SLC5A6: variants seen among roughly 807,000 people sequenced by gnomAD.
SLC5A6 encodes sodium-dependent multivitamin transporter.
Under a neutral mutation model 67.9 loss-of-function variants are expected in SLC5A6, and 31 were observed. The ratio of observed to expected loss-of-function variants is 0.46; its 90% CI spans 0.34 to 0.62. SLC5A6 has a LOEUF of 0.62. Among genes scored for constraint, SLC5A6 ranks in the 20% least tolerant of loss-of-function variants. The pLI is 0.01. For missense variants in SLC5A6, 673 were observed against 812.8 expected, an observed-to-expected ratio of 0.83 and a Z score of 2.09; for synonymous variants, 343 against 331.0, an observed-to-expected ratio of 1.04 and a Z score of -0.39.
upstream of SLC5A6, chr2:27,212,780 C>A: frequency 1.4e-6 from 1 of 715,006 alleles, no homozygotes; most frequent in Non-Finnish European, 2.0e-6. Context: ...CGCCATATAT[C>A]GTGCGGTGGT....
chr2:27,206,638 A>T, intron 4 of SLC5A6, 104 bp from the exon 5 acceptor site: 1 of 1,107,870 alleles, frequency 9.0e-7, no homozygotes, highest in South Asian at 1.3e-5. Flanking sequence ...CCCCTCACCT[A>T]GGCTCACTTC....
chr2:27,201,584 G>T, intron 14 of SLC5A6, 82 bp downstream of exon 14: 1 of 1,444,646 alleles, frequency 6.9e-7, no homozygotes, highest in South Asian at 1.2e-5. Context: ...GGCCTCTGGT[G>T]GCCCATCCCT....
At chr2:27,211,949 C>T (rs1286210641) in intron 1 of SLC5A6, 71 bp downstream of exon 1, 4 of 479,556 alleles carry the variant, frequency 8.3e-6, no homozygotes, top group African/African-American at 2.1e-5. Flanking sequence ...AGAGCCCTGG[C>T]CGGGAGCCCG....
intron 12 of SLC5A6, 95 bp downstream of exon 12, chr2:27,202,718 G>T: frequency 9.2e-7 from 1 of 1,086,526 alleles, no homozygotes; most frequent in South Asian, 1.3e-5. Flanking sequence ...CTGCCCCCCG[G>T]TCATTCCCCT....
At chr2:27,212,346 G>C (rs944561840), upstream of SLC5A6, 2 of 1,550,022 alleles carry the variant, frequency 1.3e-6, no homozygotes, top group Non-Finnish European at 1.7e-6. Flanking sequence ...CGCGCGAGCA[G>C]CGGAGCACCA....
chr2:27,207,503 CACG>C lies in SLC5A6; in HGVS notation c.145_147del (p.Arg49del). ...TCACCAACAGTATGCCGGCCCCAGC[CACG>C]ACAAGCATGGTAGAGCCCAATGGCA... On this transcript the variant is annotated inframe_deletion, in exon 3 of 17. Transcript: ENST00000310574. This position sits in a 1 kb window ranked among gnomAD's most constrained non-coding sequence, Gnocchi z 5.5. 1.9e-6 allele frequency: 3 copies of C among 1,614,204 alleles called. No homozygotes were observed.
intron 12 of SLC5A6, 75 bp from the exon 13 acceptor site, chr2:27,202,149 C>A (rs1267602382): frequency 2.9e-6 from 3 of 1,041,918 alleles, no homozygotes; most frequent in African/African-American, 1.6e-5. Flanking sequence ...TAAAGCATAG[C>A]CACCAGCCAT....
rs778768265 is a variant in SLC5A6 at position 27,204,944 on chromosome 2, C to G, written c.735-13G>C. On this transcript the variant is annotated splice_polypyrimidine_tract_variant and intron_variant, in intron 7 of 16. Coordinates refer to ENST00000310574, the MANE Select transcript of SLC5A6 (RefSeq NM_021095.4). ...GTCTGGATCCAGCCTGTAACAGACACCACCCAGTCATTGTGCAAAGCCTGA... is the reference window on the plus strand; with the variant it reads ...GTCTGGATCCAGCCTGTAACAGACAGCACCCAGTCATTGTGCAAAGCCTGA... 1.9e-6 allele frequency: 3 copies of G among 1,611,474 alleles called. No homozygotes were observed. Among genetic ancestry groups the G allele is most frequent in the African/African-American group, 2.7e-5 (2 of 75,050 alleles).
chr2:27,204,519 A>G lies in SLC5A6; in HGVS notation c.947T>C (p.Phe316Ser). 1 of 1,614,024 alleles carries G rather than the reference A, an allele frequency of 6.2e-7. No individual in the cohort carries two copies. The stretch of plus-strand genomic sequence containing the variant: ...CATGGGATACTCCTGGTAATACGCG[A>G]ACATGACCAGGCCAATGAGGCAGCC... ...CVGCLIGLVM[F>S]AYYQEYPMSI... The change falls in exon 9 of 17, where the codon TTC (phenylalanine) becomes TCC (serine). Residue 316 changes from phenylalanine to serine, a missense_variant. Coordinates refer to ENST00000310574, the MANE Select transcript of SLC5A6 (RefSeq NM_021095.4).
chr2:27,210,107 A>G (rs1322119440), intron 2 of SLC5A6, among the ~76,000 whole-genome samples: 2 of 152,212 alleles, frequency 1.3e-5, no homozygotes, highest in African/African-American at 4.8e-5. Flanking sequence ...GTGGCCAGAG[A>G]CAGGAAGGAA....
chr2:27,201,868 C>G, intron 13 of SLC5A6, 21 bp from the exon 14 acceptor site: 1 of 1,612,972 alleles, frequency 6.2e-7, no homozygotes, highest in Non-Finnish European at 8.5e-7. Context: ...ACAGTGCAGG[C>G]CTGTCACAAG....
At chr2:27,206,783 T>A (rs1674098181) in intron 4 of SLC5A6, 94 bp downstream of exon 4, 1 of 1,059,904 alleles carries the variant, frequency 9.4e-7, no homozygotes, top group Non-Finnish European at 1.5e-6. Flanking sequence ...ATCCTGCCAA[T>A]CTGAGAGCAG....
intron 12 of SLC5A6, 119 bp downstream of exon 12, chr2:27,202,694 G>C: frequency 1.1e-6 from 1 of 872,950 alleles, no homozygotes; most frequent in Non-Finnish European, 1.9e-6. Context: ...CCATCAAAGG[G>C]GAATCTCTTA....
intron 7 of SLC5A6, 144 bp downstream of exon 7, chr2:27,205,206 T>C (rs984056151): frequency 2.4e-6 from 2 of 829,270 alleles, no homozygotes; most frequent in Non-Finnish European, 3.8e-6. Context: ...ACCCTCCATC[T>C]CTGCAGGACC....
chr2:27,212,675 T>C (rs1443626008), upstream of SLC5A6: 1 of 1,363,860 alleles, frequency 7.3e-7, no homozygotes, highest in East Asian at 2.8e-5. Context: ...TTCAAAGACC[T>C]GTGAAACTTG....
At chr2:27,203,175 T>C (rs2147997568) in intron 11 of SLC5A6, 58 bp downstream of exon 11, 3 of 1,604,002 alleles carry the variant, frequency 1.9e-6, no homozygotes, top group Non-Finnish European at 2.6e-6. Flanking sequence ...CTGATGACAA[T>C]GGTCAGGATG....
At chr2:27,205,292 A>T in intron 7 of SLC5A6, 58 bp downstream of exon 7, 1 of 1,552,262 alleles carries the variant, frequency 6.4e-7, no homozygotes, top group Non-Finnish European at 8.8e-7. Flanking sequence ...ACCAGCCTCT[A>T]GGATGGGCTC....
upstream of SLC5A6, chr2:27,212,717 G>A: frequency 8.2e-7 from 1 of 1,224,832 alleles, no homozygotes; most frequent in African/African-American, 1.6e-5. Flanking sequence ...ATAACTTTAA[G>A]TTCTTTCTAC....
chr2:27,201,498 G>A, intron 14 of SLC5A6, 45 bp from the exon 15 acceptor site: 1 of 1,424,588 alleles, frequency 7.0e-7, no homozygotes, highest in South Asian at 1.2e-5. Flanking sequence ...CGTTGGCAGG[G>A]CATTCCTTGG....
Sources: allele counts gnomAD v4.1 joint callset (sites outside exome capture counted in the v4.1 genomes callset), GRCh38; gene constraint gnomAD v4.1.1; non-coding constraint Gnocchi (gnomAD v3.1); transcripts MANE v1.5; gene names NCBI Gene and HGNC (gene_info 2026-07-23, HGNC 2026-07-21).